Variants in MDH1B observed in about 807,000 individuals in gnomAD.
MDH1B encodes putative malate dehydrogenase 1B.
MDH1B carries 60 observed loss-of-function variants against 61.4 expected under a neutral mutation model. That is an observed-to-expected ratio of 0.98 (90% CI 0.79 to 1.21). The LOEUF is 1.21. MDH1B is among the 50% of genes most tolerant of loss of function. MDH1B has a pLI of 0.00. For synonymous variants in MDH1B, 236 were observed against 218.7 expected (o/e 1.08, Z -0.70); for missense variants, 587 against 632.1 (o/e 0.93, Z 0.76).
At position 206,757,380 on chromosome 2, in the gene MDH1B, T is replaced by G; in HGVS notation, c.136-9A>C. The G allele has an allele frequency of 6.2e-7, 1 of 1,610,150 alleles. No individual in the cohort carries two copies. Among genetic ancestry groups the G allele is most frequent in the Non-Finnish European group, 8.5e-7 (1 of 1,179,048 alleles). ...ACATCTTTTAGCCAATCCTGTTGAA[T>G]GATATCCCAAGTGAAGTCATATATT... On this transcript the variant is annotated splice_polypyrimidine_tract_variant and intron_variant, in intron 2 of 11. Transcript: ENST00000374412.
In MDH1B at chr2:206,755,518, C is replaced by T. The variant is rs755998989; in HGVS notation, c.414-13G>A. 10 of 1,601,752 alleles carry T rather than the reference C, an allele frequency of 6.2e-6. No homozygotes were observed. Among genetic ancestry groups the T allele is most frequent in the South Asian group, 1.1e-5 (1 of 88,560 alleles). ...AGGAGCAGAGGCACTGATAAAAATG[C>T]AAAGCCGCATTGTGAATAGTTATAT... On this transcript the variant is annotated splice_polypyrimidine_tract_variant and intron_variant, in intron 4 of 11. Coordinates refer to ENST00000374412, the MANE Select transcript of MDH1B (RefSeq NM_001039845.3).
At position 206,746,311 on chromosome 2, in the gene MDH1B, G is replaced by A. The variant is rs201077318; in HGVS notation, c.1332C>T (p.Thr444=). The change falls in exon 8 of 12, where the codon ACC becomes ACT. Residue 444 remains threonine (T), a synonymous_variant. Transcript: ENST00000374412. ...CCTGAATTAGATCACTTGTCATTCG[G>A]GTCATTATTTGTTCACTTATTTCAA... ...KDVEISEQIM[T]RMTSDLIQEK... is the part of the protein sequence containing the mutation. 4.3e-6 allele frequency: 7 copies of A among 1,613,220 alleles called. No homozygotes were observed. The highest frequency in any genetic ancestry group is 5.1e-6 in the Non-Finnish European group (6 of 1,179,668).
chr2:206,748,649 C>A (rs1688263465), intron 7 of MDH1B, among the ~76,000 whole-genome samples: 2 of 152,178 alleles, frequency 1.3e-5, no homozygotes, highest in Non-Finnish European at 2.9e-5. Context: ...TGTAGTGTCA[C>A]CTTCTTTATG....
intron 9 of MDH1B, among the ~76,000 whole-genome samples, chr2:206,742,776 G>A (rs1687885272): frequency 6.7e-6 from 1 of 148,832 alleles, no homozygotes; most frequent in South Asian, 2.2e-4. Context: ...GAGTGCAGTG[G>A]TGCAATCTCA....
chr2:206,739,334 A>G (rs556638463), intron 11 of MDH1B, among the ~76,000 whole-genome samples: 3 of 152,102 alleles, frequency 2.0e-5, no homozygotes, highest in African/African-American at 7.2e-5. Flanking sequence ...GAGGGGCACA[A>G]ATCTAGGAGG....
chr2:206,754,867 C>T, intron 5 of MDH1B, 142 bp downstream of exon 5: 5 of 933,544 alleles, frequency 5.4e-6, no homozygotes, highest in Non-Finnish European at 7.6e-6. Context: ...AGTCAAATCA[C>T]ACAATAAGTT....
intron 9 of MDH1B, 112 bp from the exon 10 acceptor site, chr2:206,741,216 C>A (rs1412308708): frequency 2.9e-6 from 4 of 1,378,460 alleles, no homozygotes; most frequent in Non-Finnish European, 4.0e-6. Flanking sequence ...CTATGACCCA[C>A]AATAAAAGAC....
At chr2:206,765,189 T>C in intron 1 of MDH1B, 61 bp downstream of exon 1, 6 of 1,583,864 alleles carry the variant, frequency 3.8e-6, no homozygotes, top group South Asian at 1.1e-5. Context: ...CGAGCGGCCA[T>C]GGGAGGTGAG....
chr2:206,740,157 A>G (rs527633374), intron 10 of MDH1B, among the ~76,000 whole-genome samples: 30 of 152,348 alleles, frequency 2.0e-4, no homozygotes, highest in Non-Finnish European at 3.7e-4. Context: ...TGTGGAGGTT[A>G]CGGACACCAT....
At chr2:206,745,766 T>C (rs1246453638) in intron 8 of MDH1B, 93 bp from the exon 9 acceptor site, 13 of 936,644 alleles carry the variant, frequency 1.4e-5, no homozygotes, top group Middle Eastern at 6.1e-4. Flanking sequence ...AGAGTTTCAC[T>C]CTTGTTGCCC....
chr2:206,743,051 C>T (rs1349576810), intron 9 of MDH1B, among the ~76,000 whole-genome samples: 2 of 151,794 alleles, frequency 1.3e-5, no homozygotes, highest in Non-Finnish European at 2.9e-5. Flanking sequence ...ATCTGGAGAA[C>T]AGGTATGGGA....
At chr2:206,753,394 C>T (rs553576127) in intron 5 of MDH1B, among the ~76,000 whole-genome samples, 3 of 152,264 alleles carry the variant, frequency 2.0e-5, no homozygotes, top group Admixed American at 6.5e-5. Context: ...GTGATCCTCC[C>T]GCCTCAGCCT....
Position 206,739,655 on chromosome 2 carries a change from T to C in MDH1B, c.1466A>G (p.Glu489Gly), listed in dbSNP as rs1481450859. The C allele has an allele frequency of 6.2e-7, 1 of 1,613,766 alleles. No homozygotes were observed. Among genetic ancestry groups the C allele is most frequent in the African/African-American group, 1.3e-5 (1 of 74,940 alleles). Residue 489 changes from glutamate (E) to glycine (G), a missense_variant, in exon 11 of 12, where the codon GAG becomes GGG. Physicochemically the swap from Glu to Gly is moderately conservative, Grantham distance 98. Coordinates refer to ENST00000374412, the MANE Select transcript of MDH1B (RefSeq NM_001039845.3). ...EKNLAMSDAA[E>G]FPNQIPQTTF... is the part of the protein sequence containing the mutation. ...GGTTTGAGGAATCTGATTTGGAAACTCTGCTGCTGCAAATAGAGTTAAAAG... is the reference window on the plus strand; with the variant it reads ...GGTTTGAGGAATCTGATTTGGAAACCCTGCTGCTGCAAATAGAGTTAAAAG...
chr2:206,758,239 G>C (rs1001573396), intron 2 of MDH1B, among the ~76,000 whole-genome samples: 5 of 152,166 alleles, frequency 3.3e-5, no homozygotes, highest in Admixed American at 3.3e-4. Flanking sequence ...AGCTGCAAGG[G>C]CATGTACAAG....
chr2:206,749,067 T>C lies in MDH1B; in HGVS notation c.1169A>G (p.His390Arg), dbSNP rs1688285833. The C allele has an allele frequency of 2.5e-6, 4 of 1,613,978 alleles. No homozygotes were observed. The highest frequency in any genetic ancestry group is 3.4e-6 in the Non-Finnish European group (4 of 1,179,972). ...TACAATCTCCCCAGGTGGTGAGCCA[T>C]GGTACCAGTATTTCAGTGTAGTGGC... ...SIATTLKYWYHGSPPGEIVSL... is the reference protein window; with the variant it reads ...SIATTLKYWYRGSPPGEIVSL... Residue 390 changes from histidine (H) to arginine (R), a missense_variant, in exon 7 of 12, where the codon CAT (histidine) becomes CGT (arginine). His to Arg is a conservative substitution (Grantham distance 29, BLOSUM62 0). Transcript: ENST00000374412.
intron 10 of MDH1B, 65 bp from the exon 11 acceptor site, chr2:206,739,726 C>A: frequency 7.0e-7 from 1 of 1,429,300 alleles, no homozygotes; most frequent in Middle Eastern, 2.0e-4. Context: ...CAGTTATTTC[C>A]ATTTTCTTCT....
chr2:206,742,132 A>G (rs1559331211), intron 9 of MDH1B, among the ~76,000 whole-genome samples: 1 of 152,208 alleles, frequency 6.6e-6, no homozygotes, highest in African/African-American at 2.4e-5. Context: ...GTCTCCTGGC[A>G]GATACTGAGC....
At chr2:206,738,635 G>A in intron 11 of MDH1B, 124 bp from the exon 12 acceptor site, 1 of 586,074 alleles carries the variant, frequency 1.7e-6, no homozygotes, top group Non-Finnish European at 3.0e-6. Context: ...GAAAGTGCAT[G>A]TGTGAGAGTG....
chr2:206,762,750 C>A (rs1689174746), intron 1 of MDH1B, among the ~76,000 whole-genome samples: 5 of 152,176 alleles, frequency 3.3e-5, no homozygotes, highest in Admixed American at 3.3e-4. Flanking sequence ...CTGAAGACTT[C>A]CATGCCACTA....
Sources: gnomAD v4.1 joint callset for allele counts (sites outside exome capture counted in the v4.1 genomes callset) on GRCh38, gnomAD v4.1.1 for gene constraint, MANE v1.5 for transcripts, NCBI Gene and HGNC (gene_info 2026-07-23, HGNC 2026-07-21) for gene names.